GALNT14: variants seen among roughly 807,000 people sequenced by gnomAD.
The protein encoded by GALNT14 is polypeptide N-acetylgalactosaminyltransferase 14, also known as UDP-GalNAc:polypeptide N-acetylgalactosaminyltransferase 14.
In GALNT14, 60 loss-of-function variants were observed where a neutral mutation model predicts 77.5. The observed-to-expected ratio is 0.77, with a 90% CI of 0.63 to 0.96. The LOEUF (loss-of-function observed/expected upper bound fraction) is 0.96. GALNT14 is among the 40% of genes least tolerant of loss of function. The pLI is 0.00. For synonymous variants in GALNT14, 280 were observed against 281.7 expected (o/e 0.99, Z 0.06); for missense variants, 710 against 731.0 (o/e 0.97, Z 0.33).
In GALNT14 at chr2:31,134,164, A is replaced by G. The variant is rs571041138; in HGVS notation, c.129+3794T>C. 1.5e-4 allele frequency among the ~76,000 whole-genome samples: 23 copies of G among 152,322 alleles called. No individual in the cohort carries two copies. The East Asian group carries it at 2.9e-3, about 19-fold the overall frequency. The stretch of plus-strand genomic sequence containing the variant: ...ACCAGAACCTGCCTCTCCGAAGGCA[A>G]TCTGCTCCACAGAATCTAAGGGTCG... On this transcript the variant is annotated intron_variant, in intron 1 of 14. Transcript: ENST00000349752.
At chr2:31,023,917 T>C (rs1164389193) in intron 1 of GALNT14, among the ~76,000 whole-genome samples, 2 of 152,132 alleles carry the variant, frequency 1.3e-5, no homozygotes, top group African/African-American at 4.8e-5. Flanking sequence ...CCCAAATTTA[T>C]ATCTTTGCCT....
chr2:30,934,506 T>A (rs1399493880), intron 9 of GALNT14, among the ~76,000 whole-genome samples: 2 of 152,192 alleles, frequency 1.3e-5, no homozygotes, highest in Non-Finnish European at 2.9e-5. Context: ...ATGAGACATA[T>A]GTCCCTTTGC....
rs1027815097 is a variant in GALNT14 at position 31,086,518 on chromosome 2, A to G, written c.129+51440T>C. Among the ~76,000 whole-genome samples the G allele has an allele frequency of 3.9e-5, 6 of 152,098 alleles. No homozygotes were observed. The East Asian group carries it at 1.2e-3, about 29-fold the overall frequency. ...CGGTTTTCACAAACATAAAGATAGA[A>G]GTCATATGAATGATGTTAGCAGTTT... On this transcript the variant is annotated intron_variant, in intron 1 of 14. Transcript: ENST00000349752.
In GALNT14 at chr2:30,959,025, T is replaced by C. The variant is rs143360562; in HGVS notation, c.399-561A>G. Among the ~76,000 whole-genome samples, 535 of 152,264 alleles carry C rather than the reference T, an allele frequency of 3.5e-3. 2 individuals carry two copies. Among genetic ancestry groups the C allele is most frequent in the Non-Finnish European group, 6.2e-3 (424 of 68,024 alleles). Reference sequence around the variant, plus strand: ...TCCTAAGGCCTTTGCCATCAGAAGCTGGCCCACATTTCCCCACCTCCCATG... The same window carrying C: ...TCCTAAGGCCTTTGCCATCAGAAGCCGGCCCACATTTCCCCACCTCCCATG... On this transcript the variant is annotated intron_variant, in intron 3 of 14. Transcript: ENST00000349752.
chr2:30,904,103 A>G, the GALNT14 span, among the ~76,000 whole-genome samples: 1 of 152,180 alleles, frequency 6.6e-6, no homozygotes, highest in Non-Finnish European at 1.5e-5. Flanking sequence ...CCCCACACCT[A>G]CTGAACCAGG....
chr2:30,944,573 A>G (rs1209211801), intron 8 of GALNT14, among the ~76,000 whole-genome samples: 2 of 152,040 alleles, frequency 1.3e-5, no homozygotes. Context: ...GGACCACTCA[A>G]CCAACGTTGG....
At chr2:31,029,890 A>G (rs1193486572) in intron 1 of GALNT14, among the ~76,000 whole-genome samples, 1 of 152,242 alleles carries the variant, frequency 6.6e-6, no homozygotes, top group Admixed American at 6.5e-5. Flanking sequence ...CCCACTAGCT[A>G]TAATGCCAAT....
chr2:31,125,185 A>G, intron 1 of GALNT14: 1 of 1,550,500 alleles, frequency 6.4e-7, no homozygotes, highest in East Asian at 2.4e-5. Flanking sequence ...GGTAGGGAGG[A>G]GTGGGTGATA....
At chr2:30,930,087 T>C (rs896382654) in intron 10 of GALNT14, among the ~76,000 whole-genome samples, 22 of 152,184 alleles carry the variant, frequency 1.4e-4, no homozygotes, top group African/African-American at 5.3e-4. Flanking sequence ...CAACAAACCT[T>C]TCCCCCAAAA....
At chr2:30,979,107 T>C (rs1862974) in intron 2 of GALNT14, among the ~76,000 whole-genome samples, 46,774 of 152,180 alleles carry the variant, frequency 0.31, 9,405 homozygotes, top group East Asian at 0.56. Context: ...AGGAGCTGTG[T>C]GCCCACAGCA....
intron 1 of GALNT14, among the ~76,000 whole-genome samples, chr2:31,064,611 A>C (rs538297224): frequency 1.3e-5 from 2 of 152,282 alleles, no homozygotes; most frequent in Admixed American, 6.5e-5. Context: ...CACAGGCCAA[A>C]ATATACAACA....
intron 1 of GALNT14, among the ~76,000 whole-genome samples, chr2:31,029,117 A>C (rs1672255680): frequency 6.6e-6 from 1 of 152,144 alleles, no homozygotes; most frequent in Admixed American, 6.5e-5. Context: ...GGCCCAGAAG[A>C]CAAGAGGCTT....
chr2:31,013,120 G>A (rs2148445213), intron 1 of GALNT14, among the ~76,000 whole-genome samples: 1 of 152,282 alleles, frequency 6.6e-6, no homozygotes, highest in East Asian at 1.9e-4. Flanking sequence ...GCAAGTCACT[G>A]GGACTCAGAG....
At chr2:31,115,848 C>G (rs921013375) in intron 1 of GALNT14, among the ~76,000 whole-genome samples, 7 of 152,104 alleles carry the variant, frequency 4.6e-5, no homozygotes, top group African/African-American at 1.7e-4. Context: ...TAGCAAGACC[C>G]TATTTTTAAA....
chr2:31,032,676 C>T (rs189971034), intron 1 of GALNT14, among the ~76,000 whole-genome samples: 10 of 152,284 alleles, frequency 6.6e-5, no homozygotes, highest in Admixed American at 5.2e-4. Context: ...CCACATACCC[C>T]CTCTTTCCCA....
At chr2:31,037,964 C>G (rs1672845943) in intron 1 of GALNT14, among the ~76,000 whole-genome samples, 1 of 150,420 alleles carries the variant, frequency 6.6e-6, no homozygotes, top group Non-Finnish European at 1.5e-5. Flanking sequence ...GTGTGCATGG[C>G]ATTCTAAATT....
intron 9 of GALNT14, among the ~76,000 whole-genome samples, chr2:30,939,021 C>T (rs1666220709): frequency 6.6e-6 from 1 of 152,176 alleles, no homozygotes; most frequent in Admixed American, 6.5e-5. Context: ...TATATATTGC[C>T]CTTCCCATCT....
chr2:31,086,172 C>A (rs1225146386), intron 1 of GALNT14, among the ~76,000 whole-genome samples: 1 of 152,214 alleles, frequency 6.6e-6, no homozygotes, highest in Non-Finnish European at 1.5e-5. Flanking sequence ...TTCACTACAT[C>A]CTAGGACCTC....
chr2:30,964,545 G>A (rs1667881453), intron 3 of GALNT14, among the ~76,000 whole-genome samples: 1 of 152,196 alleles, frequency 6.6e-6, no homozygotes, highest in Admixed American at 6.5e-5. Context: ...CTTGTCAAGA[G>A]CTATTGCCTG....
Sources: allele counts gnomAD v4.1 joint callset (sites outside exome capture counted in the v4.1 genomes callset), GRCh38; gene constraint gnomAD v4.1.1; transcripts MANE v1.5; gene names NCBI Gene and HGNC (gene_info 2026-07-23, HGNC 2026-07-21).